The following KCNJ6 variants were observed in gnomAD, a reference collection of about 807,000 sequenced individuals.
The protein encoded by KCNJ6 is potassium inwardly rectifying channel subfamily J member 6, also known as G protein-activated inward rectifier potassium channel 2.
KCNJ6 carries 9 observed loss-of-function variants against 34.2 expected under a neutral mutation model. That is an observed-to-expected ratio of 0.26 (90% CI 0.16 to 0.46). The LOEUF is 0.46. Among genes scored for constraint, KCNJ6 ranks in the 20% least tolerant of loss-of-function variants. KCNJ6 has a pLI of 1.00. For missense variants in KCNJ6, 236 were observed against 531.3 expected, an observed-to-expected ratio of 0.44 and a Z score of 5.46; for synonymous variants, 196 against 207.1, an observed-to-expected ratio of 0.95 and a Z score of 0.46.
At chr21:37,892,183 G>T (rs2055765707) in intron 1 of KCNJ6, among the ~76,000 whole-genome samples, 1 of 152,218 alleles carries the variant, frequency 6.6e-6, no homozygotes, top group Non-Finnish European at 1.5e-5. Context: ...GGGTTTTAGA[G>T]TGAGGAGCTC....
At chr21:37,881,470 GGAGA>G (rs10550872) in intron 1 of KCNJ6, among the ~76,000 whole-genome samples, 175 of 148,238 alleles carry the variant, frequency 1.2e-3, no homozygotes, top group Non-Finnish European at 1.2e-3. Context: ...CTCTCTGCAT[GGAGA>G]GAGAGAGAGA....
intron 2 of KCNJ6, among the ~76,000 whole-genome samples, chr21:37,759,057 T>G (rs924224329): frequency 5.3e-5 from 8 of 152,214 alleles, no homozygotes; most frequent in Admixed American, 4.6e-4. Context: ...GTCCTCCTCT[T>G]GACAGCCTCC....
rs187989394 is a variant in KCNJ6, at chr21:37,895,991, G to T, written c.-28+19893C>A. ...GAGACTGGGTACTTTATAAAGAAAA[G>T]AGTTTTAAGGGGCTCACGGTTCTGC... On this transcript the variant is annotated intron_variant, in intron 1 of 3. Coordinates refer to ENST00000609713, the MANE Select transcript of KCNJ6 (RefSeq NM_002240.5). Among the ~76,000 whole-genome samples, 7 of 152,308 alleles carry T rather than the reference G, an allele frequency of 4.6e-5. No individual in the cohort carries two copies. The East Asian group carries it at 1.2e-3, about 25-fold the overall frequency.
intron 1 of KCNJ6, among the ~76,000 whole-genome samples, chr21:37,863,017 T>C (rs1229655197): frequency 3.3e-5 from 5 of 152,192 alleles, no homozygotes; most frequent in African/African-American, 4.8e-5. Flanking sequence ...ATGAAGAGCA[T>C]AGACAATCAT....
At chr21:37,874,465 T>G (rs1185015862) in intron 1 of KCNJ6, among the ~76,000 whole-genome samples, 1 of 152,230 alleles carries the variant, frequency 6.6e-6, no homozygotes, top group African/African-American at 2.4e-5. Flanking sequence ...CATTTGGATG[T>G]CTAATAAATA....
chr21:37,907,633 T>C (rs2055847999), intron 1 of KCNJ6, among the ~76,000 whole-genome samples: 2 of 152,224 alleles, frequency 1.3e-5, no homozygotes, highest in African/African-American at 4.8e-5. Flanking sequence ...CTTTCTTATA[T>C]TGAACCAAAA....
At chr21:37,710,431 C>T (rs898831479) in intron 3 of KCNJ6, among the ~76,000 whole-genome samples, 1 of 152,096 alleles carries the variant, frequency 6.6e-6, no homozygotes, top group African/African-American at 2.4e-5. Context: ...AGCAGAATGA[C>T]GGGGACACAG....
intron 2 of KCNJ6, among the ~76,000 whole-genome samples, chr21:37,738,112 G>A (rs538510068): frequency 3.2e-3 from 491 of 152,212 alleles, no homozygotes; most frequent in Non-Finnish European, 5.9e-3. Flanking sequence ...TTTGAGTCTC[G>A]GCTCACACAG....
intron 2 of KCNJ6, among the ~76,000 whole-genome samples, chr21:37,720,043 C>T (rs2054816507): frequency 6.6e-6 from 1 of 151,640 alleles, no homozygotes; most frequent in Non-Finnish European, 1.5e-5. Context: ...AATGTACCTG[C>T]AAAGTCAAAG....
Position 37,620,397 on chromosome 21 carries a change from T to C in KCNJ6, c.*4762A>G, listed in dbSNP as rs1311049600. On this transcript the variant is annotated 3_prime_UTR_variant, in exon 4 of 4. Transcript: ENST00000609713. ...GCTGTGGCTGTGTTCCAATAAAACT[T>C]TGTTTGTGGACATTGAAATTTGAAT... The C allele has an allele frequency of 6.6e-6, 1 of 152,218 alleles. No homozygotes were observed. Among genetic ancestry groups the C allele is most frequent in the Non-Finnish European group, 1.5e-5 (1 of 68,028 alleles). The allele number at this position is 152,218 out of a possible 1,614,324, so 9.4% of individuals were successfully genotyped here.
At chr21:37,789,208 T>C (rs1018707293) in intron 2 of KCNJ6, among the ~76,000 whole-genome samples, 2 of 152,252 alleles carry the variant, frequency 1.3e-5, no homozygotes, top group African/African-American at 4.8e-5. Context: ...ACAATGCCTT[T>C]ACACCCTATT....
intron 2 of KCNJ6, among the ~76,000 whole-genome samples, chr21:37,729,753 G>C (rs991767768): frequency 2.6e-5 from 4 of 152,238 alleles, no homozygotes; most frequent in Admixed American, 2.6e-4. Context: ...CAGATGAGGG[G>C]AGAAAGAGGG....
intron 2 of KCNJ6, among the ~76,000 whole-genome samples, chr21:37,797,576 C>T (rs2055249684): frequency 6.6e-6 from 1 of 152,038 alleles, no homozygotes; most frequent in African/African-American, 2.4e-5. Context: ...GACTCACTAC[C>T]AACTGACATT....
At chr21:37,868,492 A>G (rs929685945) in intron 1 of KCNJ6, among the ~76,000 whole-genome samples, 1 of 152,210 alleles carries the variant, frequency 6.6e-6, no homozygotes, top group Non-Finnish European at 1.5e-5. Flanking sequence ...CTTACCATCT[A>G]GAGGCTGCTA....
chr21:37,704,608 T>C (rs1469476425), intron 3 of KCNJ6, among the ~76,000 whole-genome samples: 2 of 152,182 alleles, frequency 1.3e-5, no homozygotes, highest in African/African-American at 4.8e-5. Context: ...ATGTATTTAC[T>C]TAGCAGATGA....
intron 1 of KCNJ6, among the ~76,000 whole-genome samples, chr21:37,845,089 C>T (rs781733816): frequency 2.6e-5 from 4 of 152,114 alleles, no homozygotes; most frequent in Admixed American, 1.3e-4. Context: ...CCCTTACTCC[C>T]GCGGAAGTCA....
chr21:37,715,143 G>GAGAA lies in KCNJ6; in HGVS notation c.26-16_26-13dup. On this transcript the variant is annotated splice_polypyrimidine_tract_variant and intron_variant, in intron 2 of 3. Transcript: ENST00000609713. ...CTCCAGGACGTTAGCTGGTGGTTTG[G>GAGAA]AGAAAAGAAAAGAAACACTGAATGA... 3 of 1,598,950 alleles carry GAGAA rather than the reference G, an allele frequency of 1.9e-6. No homozygotes were observed. The highest frequency in any genetic ancestry group is 1.7e-4 in the Middle Eastern group (1 of 5,980).
chr21:37,636,314 T>C (rs573916855), intron 3 of KCNJ6, among the ~76,000 whole-genome samples: 1 of 152,348 alleles, frequency 6.6e-6, no homozygotes, highest in East Asian at 1.9e-4. Flanking sequence ...CCCAGCGCAG[T>C]CAAACTGACA....
chr21:37,868,784 G>A (rs1227692402), intron 1 of KCNJ6, among the ~76,000 whole-genome samples: 1 of 152,192 alleles, frequency 6.6e-6, no homozygotes, highest in Non-Finnish European at 1.5e-5. Context: ...CAACGGGCAG[G>A]CAGGGCTGGG....
Sources: allele counts gnomAD v4.1 joint callset (sites outside exome capture counted in the v4.1 genomes callset), GRCh38; gene constraint gnomAD v4.1.1; transcripts MANE v1.5; gene names NCBI Gene and HGNC (gene_info 2026-07-23, HGNC 2026-07-21).